Variants in STPG2 observed in about 807,000 individuals in gnomAD.
STPG2 encodes sperm-tail PG-rich repeat-containing protein 2.
STPG2 carries 56 observed loss-of-function variants against 54.2 expected under a neutral mutation model. That is an observed-to-expected ratio of 1.03 (90% confidence interval 0.83 to 1.29). STPG2 has a LOEUF of 1.29. STPG2 is among the 50% of genes most tolerant of loss of function. STPG2 has a pLI of 0.00. For missense variants in STPG2, 596 were observed against 544.9 expected (o/e 1.09, Z -0.93); for synonymous variants, 200 against 181.8 (o/e 1.10, Z -0.81).
chr4:98,001,976 C>A (rs986983796), intron 5 of STPG2, among the ~76,000 whole-genome samples: 1 of 151,970 alleles, frequency 6.6e-6, no homozygotes, highest in Non-Finnish European at 1.5e-5. Flanking sequence ...TATTCTTCTA[C>A]GTGGATGACA....
intron 10 of STPG2, among the ~76,000 whole-genome samples, chr4:97,705,086 C>T (rs1264646809): frequency 3.3e-5 from 5 of 152,056 alleles, no homozygotes; most frequent in African/African-American, 1.2e-4. Context: ...TATTTTGATA[C>T]TCTTTGTGAT....
In STPG2 at chr4:97,958,312, A is replaced by G. The variant is rs1031728298; in HGVS notation, c.933+13968T>C. Among the ~76,000 whole-genome samples, 4 of 151,894 alleles carry G rather than the reference A, an allele frequency of 2.6e-5. No homozygotes were observed. The South Asian group carries it at 8.3e-4, about 32-fold the overall frequency. On this transcript the variant is annotated intron_variant, in intron 7 of 10. Coordinates refer to ENST00000295268, the MANE Select transcript of STPG2 (RefSeq NM_174952.3). ...GTGAGAGAGTGAGGATGTGTCTCAA[A>G]AAAAAAGAAAAGTAAAGAAAAAAAC...
chr4:98,054,493 C>T (rs1275067503), intron 5 of STPG2, among the ~76,000 whole-genome samples: 1 of 152,050 alleles, frequency 6.6e-6, no homozygotes, highest in Non-Finnish European at 1.5e-5. Flanking sequence ...TAAATGTGAC[C>T]ACTCAAGATA....
At chr4:98,019,720 A>C (rs1460180753) in intron 5 of STPG2, among the ~76,000 whole-genome samples, 1 of 127,952 alleles carries the variant, frequency 7.8e-6, no homozygotes, top group Non-Finnish European at 1.7e-5. Context: ...TTCTCCTTGA[A>C]GAGGTCCTTC....
rs115974996 is a variant in STPG2 at position 97,652,828 on chromosome 4, C to T, written c.1320+59871G>A. On this transcript the variant is annotated intron_variant, in intron 10 of 10. Transcript: ENST00000295268. ...AGATTAGCCATAGCTAAGTAGATTA[C>T]ACAACAACTCAGTTTACTAATGTTA... 5.7e-3 allele frequency among the ~76,000 whole-genome samples: 871 copies of T among 152,082 alleles called. 8 individuals are homozygous for T. Among genetic ancestry groups the T allele is most frequent in the African/African-American group, 0.02 (846 of 41,540 alleles).
intron 4 of STPG2, among the ~76,000 whole-genome samples, chr4:97,464,451 C>G (rs549840658): frequency 6.6e-6 from 1 of 152,280 alleles, no homozygotes; most frequent in South Asian, 2.1e-4. Flanking sequence ...TCACCCAGCT[C>G]TGTCACCCAG....
chr4:97,725,421 A>G (rs1006936145), intron 9 of STPG2, among the ~76,000 whole-genome samples: 1 of 151,094 alleles, frequency 6.6e-6, no homozygotes, highest in African/African-American at 2.4e-5. Context: ...GACCCTGAAG[A>G]AAAAAAAATA....
At chr4:97,749,492 A>G (rs1334302228) in intron 9 of STPG2, among the ~76,000 whole-genome samples, 1 of 151,800 alleles carries the variant, frequency 6.6e-6, no homozygotes, top group Non-Finnish European at 1.5e-5. Flanking sequence ...ATCTGAATTA[A>G]TGAAAATTAT....
intron 8 of STPG2, among the ~76,000 whole-genome samples, chr4:97,884,076 T>A (rs1369683195): frequency 6.6e-6 from 1 of 151,898 alleles, no homozygotes; most frequent in Non-Finnish European, 1.5e-5. Context: ...GGAGACTGAA[T>A]CAGTCCAGGC....
At chr4:97,666,136 G>C (rs1302170977) in intron 10 of STPG2, among the ~76,000 whole-genome samples, 2 of 152,118 alleles carry the variant, frequency 1.3e-5, no homozygotes, top group Admixed American at 6.5e-5. Flanking sequence ...CACAGCCATA[G>C]CTTAGGTGGC....
At chr4:97,539,141 GC>G (rs1731623325) in intron 4 of STPG2, among the ~76,000 whole-genome samples, 1 of 152,124 alleles carries the variant, frequency 6.6e-6, no homozygotes, top group Non-Finnish European at 1.5e-5. Flanking sequence ...CAACTAACGA[GC>G]AAAATAACCA....
At chr4:97,983,509 A>G (rs897190115) in intron 5 of STPG2, among the ~76,000 whole-genome samples, 8 of 152,188 alleles carry the variant, frequency 5.3e-5, no homozygotes, top group African/African-American at 1.9e-4. Context: ...ATGAATGCCA[A>G]TGTTAACGAT....
intron 8 of STPG2, among the ~76,000 whole-genome samples, chr4:97,915,192 G>A (rs1731826900): frequency 6.6e-6 from 1 of 152,110 alleles, no homozygotes; most frequent in Non-Finnish European, 1.5e-5. Flanking sequence ...AGTACTGTGG[G>A]AAGTACAAGG....
chr4:97,539,117 G>C (rs1204917066), intron 4 of STPG2, among the ~76,000 whole-genome samples: 1 of 152,158 alleles, frequency 6.6e-6, no homozygotes, highest in Non-Finnish European at 1.5e-5. Flanking sequence ...ATCAATGCTA[G>C]GAAGAAACTG....
In STPG2 at chr4:98,006,151, C is replaced by T. The variant is rs193026642; in HGVS notation, c.613-24833G>A. ...CTGTGAAACTTTATTCATGAAGGAT[C>T]ATGGGAATTCAACCAAAAAGTAAAG... On this transcript the variant is annotated intron_variant, in intron 5 of 10. Coordinates refer to ENST00000295268, the MANE Select transcript of STPG2 (RefSeq NM_174952.3). 2.6e-5 allele frequency among the ~76,000 whole-genome samples: 4 copies of T among 152,272 alleles called. No homozygotes were observed. The East Asian group carries it at 7.7e-4, about 29-fold the overall frequency.
At chr4:97,744,715 A>C (rs557989394) in intron 9 of STPG2, among the ~76,000 whole-genome samples, 1 of 151,448 alleles carries the variant, frequency 6.6e-6, no homozygotes, top group African/African-American at 2.4e-5. Flanking sequence ...AACTAATAAT[A>C]AAATACAACA....
At chr4:98,022,051 C>A (rs1203763800) in intron 5 of STPG2, among the ~76,000 whole-genome samples, 1 of 151,838 alleles carries the variant, frequency 6.6e-6, no homozygotes, top group African/African-American at 2.4e-5. Flanking sequence ...TGAATTTGAT[C>A]CTGTCATTAT....
chr4:97,618,787 C>G (rs1012343787), intron 10 of STPG2, among the ~76,000 whole-genome samples: 6 of 152,084 alleles, frequency 3.9e-5, no homozygotes, highest in African/African-American at 1.2e-4. Context: ...ATTTTATTCT[C>G]TTTTGTTGTT....
At chr4:97,928,865 A>G (rs1411111760) in intron 8 of STPG2, among the ~76,000 whole-genome samples, 4 of 152,126 alleles carry the variant, frequency 2.6e-5, no homozygotes, top group Non-Finnish European at 5.9e-5. Flanking sequence ...GTTGATTTAA[A>G]ATAAACCAAT....
Sources: gnomAD v4.1 joint callset for allele counts (sites outside exome capture counted in the v4.1 genomes callset) on GRCh38, gnomAD v4.1.1 for gene constraint, MANE v1.5 for transcripts, NCBI Gene and HGNC (gene_info 2026-07-23, HGNC 2026-07-21) for gene names.